The following SOX6 variants were observed in gnomAD, a reference collection of about 807,000 sequenced individuals.
SOX6 encodes the protein transcription factor SOX-6.
SOX6 carries 11 observed loss-of-function variants against 97.8 expected under a neutral mutation model. The ratio of observed to expected loss-of-function variants is 0.11; its 90% CI spans 0.07 to 0.19. The LOEUF is 0.19. Among genes scored for constraint, SOX6 ranks in the 10% least tolerant of loss-of-function variants. The probability of loss-of-function intolerance (pLI) is 1.00; values close to 1 mark genes in which losing one functional copy is unlikely to be tolerated. For missense variants in SOX6, 810 were observed against 1,039.5 expected (o/e 0.78, Z 3.04); for synonymous variants, 360 against 371.4 (o/e 0.97, Z 0.35).
At chr11:16,103,260 T>C (rs2133983327) in intron 7 of SOX6, among the ~76,000 whole-genome samples, 1 of 151,210 alleles carries the variant, frequency 6.6e-6, no homozygotes, top group African/African-American at 2.4e-5. Context: ...TGGCCAATGA[T>C]CATATAAAAA....
Position 16,015,456 on chromosome 11 carries a change from T to C in SOX6, c.1624-406A>G, listed in dbSNP as rs564386169. On this transcript the variant is annotated intron_variant, in intron 12 of 15. Transcript: ENST00000683767. ...ATTTTCTCATTTAGAGATCATAGTTTGCATTGGTATTCCTGGGGAAATACA... is the reference window on the plus strand; with the variant it reads ...ATTTTCTCATTTAGAGATCATAGTTCGCATTGGTATTCCTGGGGAAATACA... 2.4e-4 allele frequency: 46 copies of C among 190,416 alleles called. 1 individual carries two copies. The South Asian group carries it at 4.6e-3, about 19-fold the overall frequency. The allele number at this position is 190,416 out of a possible 1,614,324, so 11.8% of individuals were successfully genotyped here.
At chr11:16,374,104 C>T (rs898451168) in intron 1 of SOX6, among the ~76,000 whole-genome samples, 65 of 152,174 alleles carry the variant, frequency 4.3e-4, no homozygotes, top group African/African-American at 1.6e-3. Flanking sequence ...ATCATACTGA[C>T]TTAAGTCATA....
chr11:15,989,318 T>C (rs568483642), intron 13 of SOX6, 88 bp from the exon 14 acceptor site: 291 of 1,039,368 alleles, frequency 2.8e-4, no homozygotes, highest in South Asian at 6.4e-4. Flanking sequence ...GGTCAGCTGT[T>C]TTCCCCAGGT....
At chr11:16,456,905 T>C (rs185509124) in intron 1 of SOX6, among the ~76,000 whole-genome samples, 10 of 152,242 alleles carry the variant, frequency 6.6e-5, no homozygotes, top group Admixed American at 1.3e-4. Flanking sequence ...ACATTAAAAG[T>C]AGTCTTTTAT....
chr11:16,204,729 A>T, intron 4 of SOX6, among the ~76,000 whole-genome samples: 1 of 152,242 alleles, frequency 6.6e-6, no homozygotes, highest in African/African-American at 2.4e-5. Context: ...TGTCTTTTTA[A>T]GAGTACACTT....
At chr11:16,638,569 C>G (rs1479416820) in intron 3 of SOX6, among the ~76,000 whole-genome samples, 4 of 152,202 alleles carry the variant, frequency 2.6e-5, no homozygotes, top group African/African-American at 4.8e-5. Flanking sequence ...TCCACATCCT[C>G]TCCAGCACCT....
At chr11:16,444,142 AG>A (rs888679940) in intron 1 of SOX6, among the ~76,000 whole-genome samples, 7 of 152,114 alleles carry the variant, frequency 4.6e-5, no homozygotes, top group Non-Finnish European at 7.4e-5. Flanking sequence ...TAAAAAAAAA[AG>A]TAAGTTGTTT....
chr11:16,005,284 T>C (rs570546105), intron 13 of SOX6, among the ~76,000 whole-genome samples: 109 of 152,050 alleles, frequency 7.2e-4, no homozygotes, highest in African/African-American at 2.5e-3. Context: ...CTCTACGATA[T>C]AGACGAAAAT....
intron 4 of SOX6, among the ~76,000 whole-genome samples, chr11:16,552,399 C>T (rs1847699391): frequency 6.6e-6 from 1 of 152,130 alleles, no homozygotes; most frequent in African/African-American, 2.4e-5. Context: ...ACCCTCATTT[C>T]CCCCCTCCCA....
intron 4 of SOX6, among the ~76,000 whole-genome samples, chr11:16,497,691 T>G (rs1447443697): frequency 6.6e-6 from 1 of 152,120 alleles, no homozygotes; most frequent in African/African-American, 2.4e-5. Context: ...AGTAGCCGAT[T>G]TGATCAACTG....
At chr11:16,243,841 A>C (rs1853263029) in intron 3 of SOX6, among the ~76,000 whole-genome samples, 1 of 152,082 alleles carries the variant, frequency 6.6e-6, no homozygotes, top group African/African-American at 2.4e-5. Context: ...TTGTAGCATG[A>C]ATTAGTAGTC....
intron 4 of SOX6, among the ~76,000 whole-genome samples, chr11:16,550,337 G>C (rs1017190445): frequency 6.6e-6 from 1 of 152,054 alleles, no homozygotes; most frequent in Admixed American, 6.6e-5. Context: ...GAAGGGGAGG[G>C]ATAGCATTAG....
At position 16,581,035 on chromosome 11, in the gene SOX6, C is replaced by A. The variant is rs536335320; in HGVS notation, n.609+31046G>T. 4.1e-4 allele frequency among the ~76,000 whole-genome samples: 62 copies of A among 152,152 alleles called. 1 individual carries two copies. In the South Asian group the frequency reaches 5.8e-3, roughly 14 times the overall value. ...AGTTCAACCACTGTGGAAGACAGTG[C>A]GGCGATTCCTCAAGAATCTAGAACC... On this transcript the variant is annotated intron_variant and non_coding_transcript_variant, in intron 4 of 5. Coordinates refer to the SOX6 transcript ENST00000524520.
At chr11:16,384,330 T>G (rs1857914016) in intron 1 of SOX6, among the ~76,000 whole-genome samples, 1 of 152,052 alleles carries the variant, frequency 6.6e-6, no homozygotes, top group Admixed American at 6.6e-5. Flanking sequence ...GATTAACTCA[T>G]TCTATACTGA....
intron 4 of SOX6, among the ~76,000 whole-genome samples, chr11:16,503,690 A>G: frequency 6.6e-6 from 1 of 152,158 alleles, no homozygotes. Context: ...GTAAGTAAAA[A>G]GAGATGAAAA....
At chr11:16,586,274 AT>A (rs901823217) in intron 4 of SOX6, among the ~76,000 whole-genome samples, 13 of 152,110 alleles carry the variant, frequency 8.5e-5, no homozygotes, top group African/African-American at 3.1e-4. Context: ...GGAAAAAAAA[AT>A]AACATAAATT....
chr11:16,646,160 A>G (rs1849010723), intron 3 of SOX6: 1 of 152,212 alleles, frequency 6.6e-6, no homozygotes, highest in Non-Finnish European at 1.5e-5. Flanking sequence ...AAAAAGCACA[A>G]GAGTTCAAGA....
At chr11:16,673,057 G>A (rs1178426398) in intron 3 of SOX6, among the ~76,000 whole-genome samples, 4 of 152,110 alleles carry the variant, frequency 2.6e-5, no homozygotes, top group Non-Finnish European at 4.4e-5. Flanking sequence ...GAGCGACAGA[G>A]CAAGACTCTG....
At chr11:16,447,443 T>TTCTCTCTCTCTCTCTC (rs142888152) in intron 1 of SOX6, among the ~76,000 whole-genome samples, 29 of 150,234 alleles carry the variant, frequency 1.9e-4, no homozygotes, top group African/African-American at 5.6e-4. Context: ...CTCCTTCGAT[T>TTCTCTCTCTCTCTCTC]TCTCTCTCTC....
Sources: allele counts gnomAD v4.1 joint callset (sites outside exome capture counted in the v4.1 genomes callset), GRCh38; gene constraint gnomAD v4.1.1; transcripts MANE v1.5; gene names NCBI Gene and HGNC (gene_info 2026-07-23, HGNC 2026-07-21).